STXBP4: variants seen among roughly 807,000 people sequenced by gnomAD.
STXBP4 encodes syntaxin-binding protein 4.
In STXBP4, 55 loss-of-function variants were observed where a neutral mutation model predicts 76.1. The observed-to-expected ratio is 0.72, with a 90% CI of 0.58 to 0.91. STXBP4 has a LOEUF of 0.91. Ranked by LOEUF, STXBP4 falls within the 40% of genes least tolerant of loss-of-function variation. The probability of loss-of-function intolerance (pLI) is 0.00; values close to 1 mark genes in which losing one functional copy is unlikely to be tolerated. For synonymous variants in STXBP4, 201 were observed against 220.2 expected (o/e 0.91, Z 0.77); for missense variants, 618 against 636.9 (o/e 0.97, Z 0.32).
the STXBP4 span, among the ~76,000 whole-genome samples, chr17:55,204,439 G>A: frequency 2.6e-5 from 4 of 151,860 alleles, no homozygotes; most frequent in Non-Finnish European, 1.5e-5. Context: ...TGTGCTTTTT[G>A]ATTAATTCTT....
At chr17:55,144,971 A>G (rs1422336838) in intron 17 of STXBP4, among the ~76,000 whole-genome samples, 1 of 152,236 alleles carries the variant, frequency 6.6e-6, no homozygotes, top group Admixed American at 6.5e-5. Context: ...GTGTATTTAA[A>G]GAGCCTATCA....
intron 16 of STXBP4, among the ~76,000 whole-genome samples, chr17:55,107,905 C>A (rs954908874): frequency 1.3e-5 from 2 of 152,182 alleles, no homozygotes; most frequent in African/African-American, 4.8e-5. Flanking sequence ...GTCAGGGATC[C>A]GCTTGAGGAT....
At chr17:55,060,240 A>G (rs970370447) in intron 12 of STXBP4, among the ~76,000 whole-genome samples, 10 of 152,116 alleles carry the variant, frequency 6.6e-5, no homozygotes, top group Non-Finnish European at 1.5e-4. Context: ...GAATGATATT[A>G]TTTTGTTAAG....
chr17:55,161,426 A>G lies in STXBP4; in HGVS notation c.*1515A>G, dbSNP rs1330340032. On this transcript the variant is annotated 3_prime_UTR_variant, in exon 18 of 18. Coordinates refer to ENST00000376352, the MANE Select transcript of STXBP4 (RefSeq NM_178509.6). Reference sequence around the variant, plus strand: ...ATTTCCTTGCACCCCCCAGAGGTGAATGAGGTATTCTATAAGTTAGTGTCT... The same window carrying G: ...ATTTCCTTGCACCCCCCAGAGGTGAGTGAGGTATTCTATAAGTTAGTGTCT... The G allele has an allele frequency of 1.3e-5, 2 of 152,228 alleles. No homozygotes were observed. The highest frequency in any genetic ancestry group is 4.8e-5 in the African/African-American group (2 of 41,460). The allele number at this position is 152,228 out of a possible 1,614,324, so 9.4% of individuals were successfully genotyped here.
At chr17:55,057,021 A>T (rs902112242) in intron 12 of STXBP4, among the ~76,000 whole-genome samples, 3 of 152,112 alleles carry the variant, frequency 2.0e-5, no homozygotes, top group African/African-American at 7.2e-5. Flanking sequence ...TAAAGTCATT[A>T]TTTTTTATTT....
intron 1 of STXBP4, among the ~76,000 whole-genome samples, chr17:54,980,703 G>A (rs1018379535): frequency 1.3e-5 from 2 of 152,170 alleles, no homozygotes; most frequent in African/African-American, 4.8e-5. Context: ...TTGTGGAGAG[G>A]TAGGGTTTTC....
At chr17:55,061,732 G>A (rs1171354839) in intron 12 of STXBP4, among the ~76,000 whole-genome samples, 2 of 152,188 alleles carry the variant, frequency 1.3e-5, no homozygotes, top group Non-Finnish European at 2.9e-5. Flanking sequence ...GAATCATACA[G>A]TATGTCATCT....
chr17:55,205,606 A>G, the STXBP4 span, among the ~76,000 whole-genome samples: 1 of 151,988 alleles, frequency 6.6e-6, no homozygotes, highest in South Asian at 2.1e-4. Flanking sequence ...TGAAGAGACA[A>G]TTTACATAAA....
intron 16 of STXBP4, among the ~76,000 whole-genome samples, chr17:55,140,078 A>T (rs941376794): frequency 3.8e-4 from 58 of 152,030 alleles, no homozygotes; most frequent in African/African-American, 1.4e-3. Flanking sequence ...CCAAAGTGGG[A>T]GGGTCACTTG....
intron 10 of STXBP4, 55 bp from the exon 11 acceptor site, chr17:55,043,181 C>T: frequency 1.2e-6 from 1 of 838,494 alleles, no homozygotes; most frequent in South Asian, 2.9e-5. Context: ...TTTATGTTAC[C>T]TCTCATAATT....
At chr17:55,018,329 G>C (rs1598211618) in intron 8 of STXBP4, among the ~76,000 whole-genome samples, 1 of 152,322 alleles carries the variant, frequency 6.6e-6, no homozygotes, top group East Asian at 1.9e-4. Flanking sequence ...GGATTGAGAG[G>C]GATGGAAGTC....
chr17:55,159,357 A>G (rs2080315647), intron 17 of STXBP4, among the ~76,000 whole-genome samples: 1 of 152,244 alleles, frequency 6.6e-6, no homozygotes, highest in Non-Finnish European at 1.5e-5. Context: ...GTAACAGCGT[A>G]TGATTTGTCA....
chr17:55,019,678 A>G (rs2078271117), intron 8 of STXBP4, among the ~76,000 whole-genome samples: 1 of 152,068 alleles, frequency 6.6e-6, no homozygotes, highest in Non-Finnish European at 1.5e-5. Context: ...CCTTTTCTCT[A>G]AGTAACCCCT....
Position 54,999,920 on chromosome 17 carries a change from T to C in STXBP4, c.498+78T>C, listed in dbSNP as rs188758968. 7,711 of 944,898 alleles carry C rather than the reference T, an allele frequency of 8.2e-3. 57 individuals are homozygous for C. Among genetic ancestry groups the C allele is most frequent in the South Asian group, 0.013 (675 of 53,968 alleles). 58.5% of individuals were successfully genotyped at this position (944,898 alleles called of 1,614,324 possible). ...TACATTTTTACATTGGTTATGTACA[T>C]ATAGAATTATTTCAGTAAAATTGTT... On this transcript the variant is annotated intron_variant, in intron 6 of 17. Coordinates refer to ENST00000376352, the MANE Select transcript of STXBP4 (RefSeq NM_178509.6).
intron 8 of STXBP4, among the ~76,000 whole-genome samples, chr17:55,019,810 T>C (rs2078274373): frequency 6.6e-6 from 1 of 152,216 alleles, no homozygotes; most frequent in Non-Finnish European, 1.5e-5. Context: ...GTCACAGTTA[T>C]CGTCTCTAAG....
At chr17:54,980,936 T>A (rs1453135102) in intron 1 of STXBP4, among the ~76,000 whole-genome samples, 1 of 50,988 alleles carries the variant, frequency 2.0e-5, no homozygotes, top group South Asian at 4.9e-4. Flanking sequence ...TTTTTTTGCG[T>A]TTTTTTTTTG....
chr17:54,968,767 G>C lies in STXBP4; in HGVS notation c.-205G>C. The C allele has an allele frequency of 8.1e-7, 1 of 1,230,736 alleles. No homozygotes were observed. Among genetic ancestry groups the C allele is most frequent in the Non-Finnish European group, 1.1e-6 (1 of 889,776 alleles). The allele number at this position is 1,230,736 out of a possible 1,614,324, so 76.2% of individuals were successfully genotyped here. Reference sequence around the variant, plus strand: ...CTGCCTTGGCTACCAGGCTCCTCAGGTGGCAGCGCTTGCAGTCGGGCTACG... The same window carrying C: ...CTGCCTTGGCTACCAGGCTCCTCAGCTGGCAGCGCTTGCAGTCGGGCTACG... On this transcript the variant is annotated 5_prime_UTR_variant, in exon 1 of 18. Coordinates refer to ENST00000376352, the MANE Select transcript of STXBP4 (RefSeq NM_178509.6).
chr17:55,136,128 C>A (rs1047728204), intron 16 of STXBP4, among the ~76,000 whole-genome samples: 9 of 152,094 alleles, frequency 5.9e-5, no homozygotes, highest in Non-Finnish European at 1.2e-4. Flanking sequence ...TATTTATAAA[C>A]TACCTAGAAG....
At chr17:55,056,192 A>G (rs1392294271) in intron 12 of STXBP4, among the ~76,000 whole-genome samples, 1 of 152,192 alleles carries the variant, frequency 6.6e-6, no homozygotes, top group South Asian at 2.1e-4. Context: ...CGTTAATTTT[A>G]ATATATTTTA....
Sources: gnomAD v4.1 joint callset for allele counts (sites outside exome capture counted in the v4.1 genomes callset) on GRCh38, gnomAD v4.1.1 for gene constraint, MANE v1.5 for transcripts, NCBI Gene and HGNC (gene_info 2026-07-23, HGNC 2026-07-21) for gene names.